Variants in SGCE observed in about 807,000 individuals in gnomAD.
SGCE encodes sarcoglycan epsilon, also known as epsilon-sarcoglycan.
Under a neutral mutation model 57.8 loss-of-function variants are expected in SGCE, and 26 were observed. The ratio of observed to expected loss-of-function variants is 0.45; its 90% CI spans 0.33 to 0.62. The LOEUF (loss-of-function observed/expected upper bound fraction) is 0.62, where lower values mean the gene tolerates loss of function less well. Ranked by LOEUF, SGCE falls within the 20% of genes least tolerant of loss-of-function variation. The pLI, the probability that SGCE is intolerant of heterozygous loss-of-function variation, is 0.02. For synonymous variants in SGCE, 183 were observed against 189.5 expected (o/e 0.97, Z 0.28); for missense variants, 468 against 548.6 (o/e 0.85, Z 1.47).
chr7:94,638,373 G>A (rs1258953054), intron 1 of SGCE, among the ~76,000 whole-genome samples: 7 of 152,030 alleles, frequency 4.6e-5, no homozygotes, highest in African/African-American at 9.7e-5. Flanking sequence ...AGAATAATTC[G>A]GTTCCAGCTA....
At chr7:94,614,014 A>G (rs976936922) in intron 5 of SGCE, among the ~76,000 whole-genome samples, 1 of 151,336 alleles carries the variant, frequency 6.6e-6, no homozygotes, top group Non-Finnish European at 1.5e-5. Context: ...ACCAGAAATT[A>G]GGAAAACATT....
chr7:94,602,969 CTT>C (rs1771065686), intron 6 of SGCE, among the ~76,000 whole-genome samples: 1 of 152,146 alleles, frequency 6.6e-6, no homozygotes, highest in Non-Finnish European at 1.5e-5. Flanking sequence ...TAAGAAGAAT[CTT>C]TCTGCACATA....
rs528155494 is a variant in SGCE at position 94,587,657 on chromosome 7, T to C, written c.1297+1032A>G. 2.8e-4 allele frequency: 427 copies of C among 1,499,092 alleles called. 3 individuals carry two copies. The African/African-American group carries it at 4.9e-3, about 17-fold the overall frequency. 92.9% of individuals were successfully genotyped at this position (1,499,092 alleles called of 1,614,324 possible). On this transcript the variant is annotated intron_variant, in intron 10 of 10. Coordinates refer to ENST00000648936, the MANE Select transcript of SGCE (RefSeq NM_003919.3). Reference sequence around the variant, plus strand: ...ACAAAGTAGCACCAACACATCAATATATTGAACAGTCTTGTTGAAACATGT... The same window carrying C: ...ACAAAGTAGCACCAACACATCAATACATTGAACAGTCTTGTTGAAACATGT...
intron 3 of SGCE, 115 bp from the exon 4 acceptor site, chr7:94,623,512 T>A (rs1803176375): frequency 2.8e-6 from 2 of 723,168 alleles, no homozygotes; most frequent in Non-Finnish European, 4.8e-6. Flanking sequence ...TATTTGTTGA[T>A]ATACTTACAA....
intron 4 of SGCE, chr7:94,620,827 G>A (rs1802653498): frequency 6.6e-6 from 1 of 152,206 alleles, no homozygotes; most frequent in Non-Finnish European, 1.5e-5. Flanking sequence ...CTTTGAGCTG[G>A]GCAGCTGCCT....
chr7:94,655,122 G>A (rs1278357438), intron 1 of SGCE, among the ~76,000 whole-genome samples: 1 of 152,236 alleles, frequency 6.6e-6, no homozygotes, highest in Non-Finnish European at 1.5e-5. Flanking sequence ...TAAACGTGCG[G>A]TTGCCGTGAC....
At chr7:94,633,414 G>A (rs950179139) in intron 1 of SGCE, among the ~76,000 whole-genome samples, 1 of 152,062 alleles carries the variant, frequency 6.6e-6, no homozygotes, top group East Asian at 1.9e-4. Context: ...GAGCCAAAGG[G>A]TTATGTAAGC....
In SGCE at chr7:94,606,049, G is replaced by T. The variant is rs551642020; in HGVS notation, c.663-2597C>A. Among the ~76,000 whole-genome samples, 243 of 151,974 alleles carry T rather than the reference G, an allele frequency of 1.6e-3. 1 individual carries two copies. The highest frequency in any genetic ancestry group is 5.7e-3 in the African/African-American group (236 of 41,446). On this transcript the variant is annotated intron_variant, in intron 5 of 10. Coordinates refer to ENST00000648936, the MANE Select transcript of SGCE (RefSeq NM_003919.3). ...TCACCATGTTGGCTAGGCTGGTCTC[G>T]AACTCCTGACCTCAGGTGATCTGCC...
intron 10 of SGCE, chr7:94,588,207 T>C (rs991172810): frequency 6.6e-6 from 7 of 1,068,490 alleles, no homozygotes; most frequent in Admixed American, 4.9e-5. Context: ...CTTGTTGTCA[T>C]TGGTCATGTT....
intron 4 of SGCE, chr7:94,622,527 G>A (rs1327819107): frequency 6.6e-6 from 1 of 151,964 alleles, no homozygotes; most frequent in African/African-American, 2.4e-5. Context: ...TACTCGGGAG[G>A]CTGAGGCAGG....
At chr7:94,652,294 A>T (rs746876894) in intron 1 of SGCE, among the ~76,000 whole-genome samples, 2 of 152,136 alleles carry the variant, frequency 1.3e-5, no homozygotes, top group Non-Finnish European at 2.9e-5. Context: ...GTGTTTACAG[A>T]ATATGGAAGG....
At chr7:94,640,593 C>T (rs1806244657) in intron 1 of SGCE, among the ~76,000 whole-genome samples, 1 of 152,136 alleles carries the variant, frequency 6.6e-6, no homozygotes, top group African/African-American at 2.4e-5. Context: ...TTCAGCTCAG[C>T]CCAAGAACTG....
intron 1 of SGCE, among the ~76,000 whole-genome samples, chr7:94,640,410 T>G (rs1160281660): frequency 6.6e-6 from 1 of 152,212 alleles, no homozygotes; most frequent in Non-Finnish European, 1.5e-5. Flanking sequence ...TATATGTTCC[T>G]GTTCTTATTG....
intron 9 of SGCE, among the ~76,000 whole-genome samples, chr7:94,593,411 A>G (rs931754050): frequency 2.0e-5 from 3 of 152,014 alleles, no homozygotes; most frequent in African/African-American, 4.8e-5. Context: ...AAAAAAATCA[A>G]TTGGTATTGA....
At chr7:94,645,756 ATT>A (rs1806980792) in intron 1 of SGCE, among the ~76,000 whole-genome samples, 1 of 152,184 alleles carries the variant, frequency 6.6e-6, no homozygotes, top group Non-Finnish European at 1.5e-5. Flanking sequence ...GACATAATGT[ATT>A]TAAGAACTTT....
chr7:94,654,441 G>A (rs1808305912), intron 1 of SGCE, among the ~76,000 whole-genome samples: 2 of 152,254 alleles, frequency 1.3e-5, no homozygotes, highest in East Asian at 3.9e-4. Flanking sequence ...TTTGACAGCG[G>A]TCACCAGAAC....
chr7:94,634,702 G>A (rs1445713667), intron 1 of SGCE, among the ~76,000 whole-genome samples: 2 of 152,106 alleles, frequency 1.3e-5, no homozygotes, highest in Non-Finnish European at 2.9e-5. Flanking sequence ...CATCTATTTT[G>A]GCTGCCGAAA....
intron 1 of SGCE, among the ~76,000 whole-genome samples, chr7:94,630,093 T>C (rs1287530844): frequency 6.6e-6 from 1 of 151,970 alleles, no homozygotes; most frequent in Non-Finnish European, 1.5e-5. Context: ...ATTATGCACA[T>C]TTAATATTTT....
At chr7:94,588,401 T>C (rs1797199382) in intron 10 of SGCE, 3 of 1,202,562 alleles carry the variant, frequency 2.5e-6, no homozygotes, top group Admixed American at 3.8e-5. Flanking sequence ...AGGGGAAGAA[T>C]AGGGAACTTC....
Sources: allele counts gnomAD v4.1 joint callset (sites outside exome capture counted in the v4.1 genomes callset), GRCh38; gene constraint gnomAD v4.1.1; transcripts MANE v1.5; gene names NCBI Gene and HGNC (gene_info 2026-07-23, HGNC 2026-07-21).